Variants in CDH9 observed in about 807,000 individuals in gnomAD.
The protein encoded by CDH9 is cadherin 9, also known as cadherin-9.
CDH9 carries 28 observed loss-of-function variants against 70.9 expected under a neutral mutation model. The ratio of observed to expected loss-of-function variants is 0.40; its 90% CI spans 0.29 to 0.54. The LOEUF is 0.54. Among genes scored for constraint, CDH9 ranks in the 20% least tolerant of loss-of-function variants. The probability of loss-of-function intolerance (pLI) is 0.59; values close to 1 mark genes in which losing one functional copy is unlikely to be tolerated. For missense variants in CDH9, 874 were observed against 984.4 expected (o/e 0.89, Z 1.50); for synonymous variants, 409 against 343.1 (o/e 1.19, Z -2.12).
At chr5:26,893,679 A>ATATTT (rs148742974) in intron 7 of CDH9, among the ~76,000 whole-genome samples, 16 of 148,268 alleles carry the variant, frequency 1.1e-4, no homozygotes, top group African/African-American at 1.7e-4. Context: ...GCATATATAT[A>ATATTT]TATTTTATTT....
intron 2 of CDH9, among the ~76,000 whole-genome samples, chr5:26,974,740 T>C (rs1208662770): frequency 6.6e-6 from 1 of 152,172 alleles, no homozygotes; most frequent in Admixed American, 6.5e-5. Flanking sequence ...TATGATGTTT[T>C]GATATACATA....
chr5:26,906,667 T>C, intron 4 of CDH9, 52 bp downstream of exon 4: 1 of 1,563,726 alleles, frequency 6.4e-7, no homozygotes, highest in East Asian at 2.3e-5. Flanking sequence ...AAATTAATTA[T>C]GCATCTTAAT....
intron 1 of CDH9, among the ~76,000 whole-genome samples, chr5:27,018,263 C>A (rs1291763548): frequency 1.3e-5 from 2 of 151,696 alleles, no homozygotes; most frequent in Non-Finnish European, 2.9e-5. Flanking sequence ...ATTATTTTCA[C>A]ATATTGTATA....
intron 2 of CDH9, among the ~76,000 whole-genome samples, chr5:26,966,812 T>C (rs902874690): frequency 6.6e-6 from 1 of 152,238 alleles, no homozygotes; most frequent in East Asian, 1.9e-4. Flanking sequence ...ACTAGTTCTT[T>C]TTCTGCTCCC....
rs145969241 is a variant in CDH9 at position 27,014,572 on chromosome 5, A to C, written c.-50+23891T>G. 3.3e-3 allele frequency among the ~76,000 whole-genome samples: 499 copies of C among 152,044 alleles called. 1 individual carries two copies. The highest frequency in any genetic ancestry group is 0.012 in the African/African-American group (479 of 41,532). On this transcript the variant is annotated intron_variant, in intron 1 of 11. Coordinates refer to ENST00000231021, the MANE Select transcript of CDH9 (RefSeq NM_016279.4). The stretch of plus-strand genomic sequence containing the variant: ...TATCGCAGGTGTTTCCTTTCTAAAA[A>C]CTATCTATGATAGACAGTTTTTATT...
intron 2 of CDH9, among the ~76,000 whole-genome samples, chr5:26,954,857 A>T (rs1741917918): frequency 6.6e-6 from 1 of 152,184 alleles, no homozygotes; most frequent in South Asian, 2.1e-4. Flanking sequence ...GTATGTCATC[A>T]TAAGATTCAA....
chr5:26,890,682 T>C, intron 7 of CDH9, 118 bp from the exon 8 acceptor site: 10 of 704,320 alleles, frequency 1.4e-5, no homozygotes, highest in Non-Finnish European at 2.4e-5. Flanking sequence ...TGCAAAATGC[T>C]AACAACTTTC....
chr5:26,977,964 G>T (rs1053597860), intron 2 of CDH9, among the ~76,000 whole-genome samples: 1 of 151,950 alleles, frequency 6.6e-6, no homozygotes, highest in Admixed American at 6.6e-5. Flanking sequence ...CAGGACTCAG[G>T]GAATAAACAA....
In CDH9 at chr5:27,010,895, T is replaced by C. The variant is rs972083983; in HGVS notation, c.-49-22513A>G. 2.9e-4 allele frequency among the ~76,000 whole-genome samples: 44 copies of C among 152,274 alleles called. 1 individual carries two copies. The highest frequency in any genetic ancestry group is 3.4e-3 in the Middle Eastern group (1 of 294). On this transcript the variant is annotated intron_variant, in intron 1 of 11. Transcript: ENST00000231021. The stretch of plus-strand genomic sequence containing the variant: ...ATTCTTGTTTATGCTATATGACCAC[T>C]GTGGTTTTCCAGGGAGGCTGATAAC...
At chr5:26,960,078 T>G (rs4318742) in intron 2 of CDH9, among the ~76,000 whole-genome samples, 106,636 of 151,802 alleles carry the variant, frequency 0.7, 41,045 homozygotes, top group East Asian at 0.99. Context: ...TTTAATTCTT[T>G]TTCTCTTCTA....
chr5:26,965,404 C>T (rs1742111894), intron 2 of CDH9, among the ~76,000 whole-genome samples: 1 of 151,700 alleles, frequency 6.6e-6, no homozygotes, highest in Non-Finnish European at 1.5e-5. Flanking sequence ...AGTGAAACCC[C>T]ATCTCTAGTA....
chr5:26,959,579 A>G (rs1741999808), intron 2 of CDH9, among the ~76,000 whole-genome samples: 1 of 152,130 alleles, frequency 6.6e-6, no homozygotes, highest in Non-Finnish European at 1.5e-5. Flanking sequence ...CCTTATTTAT[A>G]ATAGCCAAAG....
At chr5:26,954,932 G>A (rs1741918946) in intron 2 of CDH9, among the ~76,000 whole-genome samples, 1 of 152,190 alleles carries the variant, frequency 6.6e-6, no homozygotes, top group African/African-American at 2.4e-5. Flanking sequence ...ATTTAGGAGA[G>A]TCTGAGGTGG....
At chr5:26,958,771 G>C (rs187236748) in intron 2 of CDH9, among the ~76,000 whole-genome samples, 64 of 152,174 alleles carry the variant, frequency 4.2e-4, no homozygotes, top group Admixed American at 1.4e-3. Context: ...ATCTAGAAAT[G>C]CTTTATCTAA....
chr5:26,893,268 G>A (rs960777578), intron 7 of CDH9, among the ~76,000 whole-genome samples: 2 of 152,072 alleles, frequency 1.3e-5, no homozygotes, highest in African/African-American at 4.8e-5. Context: ...AATTATTGCT[G>A]AGTCATAGAT....
chr5:26,994,199 T>A (rs1212200891), intron 1 of CDH9, among the ~76,000 whole-genome samples: 1 of 152,212 alleles, frequency 6.6e-6, no homozygotes, highest in Non-Finnish European at 1.5e-5. Flanking sequence ...ATATCTTATT[T>A]ACATGATATT....
chr5:26,988,437 C>G (rs1742525020), intron 1 of CDH9, 55 bp from the exon 2 acceptor site: 1 of 1,429,778 alleles, frequency 7.0e-7, no homozygotes, highest in East Asian at 2.4e-5. Flanking sequence ...CACTTTCCCA[C>G]AACGTGTAAA....
At chr5:27,021,622 A>C (rs1356722320) in intron 1 of CDH9, among the ~76,000 whole-genome samples, 1 of 151,902 alleles carries the variant, frequency 6.6e-6, no homozygotes, top group Non-Finnish European at 1.5e-5. Flanking sequence ...ATAAGATTTT[A>C]TATAACGTCA....
At chr5:26,885,897 C>T in intron 10 of CDH9, 32 bp from the exon 11 acceptor site, 5 of 1,605,702 alleles carry the variant, frequency 3.1e-6, no homozygotes, top group Non-Finnish European at 4.3e-6. Flanking sequence ...AAAACAAAAA[C>T]TTTCATATTT....
Sources: gnomAD v4.1 joint callset for allele counts (sites outside exome capture counted in the v4.1 genomes callset) on GRCh38, gnomAD v4.1.1 for gene constraint, MANE v1.5 for transcripts, NCBI Gene and HGNC (gene_info 2026-07-23, HGNC 2026-07-21) for gene names.